Variants in PTBP2 observed in about 807,000 individuals in gnomAD.
PTBP2 encodes the protein polypyrimidine tract binding protein 2.
PTBP2 carries 13 observed loss-of-function variants against 61.4 expected under a neutral mutation model. The observed-to-expected ratio is 0.21, with a 90% CI of 0.14 to 0.34. The LOEUF (loss-of-function observed/expected upper bound fraction) is 0.34, where lower values mean the gene tolerates loss of function less well. Among genes scored for constraint, PTBP2 ranks in the 10% least tolerant of loss-of-function variants. PTBP2 has a pLI of 1.00. For missense variants in PTBP2, 405 were observed against 642.6 expected (o/e 0.63, Z 4.00); for synonymous variants, 215 against 218.5 (o/e 0.98, Z 0.14).
At chr1:96,765,618 C>T (rs1018942689) in intron 3 of PTBP2, among the ~76,000 whole-genome samples, 7 of 151,794 alleles carry the variant, frequency 4.6e-5, no homozygotes, top group East Asian at 1.9e-4. Flanking sequence ...GGCTGTGGCA[C>T]GAGAATCACT....
At chr1:96,726,982 T>C (rs1650648358) in intron 2 of PTBP2, among the ~76,000 whole-genome samples, 1 of 152,220 alleles carries the variant, frequency 6.6e-6, no homozygotes, top group South Asian at 2.1e-4. Flanking sequence ...ATATATACCC[T>C]TGTGAAACCA....
chr1:96,806,979 A>C, intron 11 of PTBP2, 21 bp downstream of exon 11: 1 of 1,536,582 alleles, frequency 6.5e-7, no homozygotes, highest in Non-Finnish European at 8.9e-7. Flanking sequence ...ACTATGTTTT[A>C]TCTATACATC....
At chr1:96,735,869 C>T (rs1361384353) in intron 2 of PTBP2, among the ~76,000 whole-genome samples, 2 of 152,070 alleles carry the variant, frequency 1.3e-5, no homozygotes, top group Admixed American at 6.6e-5. Flanking sequence ...AATTGGTGAG[C>T]TATATGAGTT....
chr1:96,759,169 G>C, intron 3 of PTBP2, among the ~76,000 whole-genome samples: 1 of 152,192 alleles, frequency 6.6e-6, no homozygotes, highest in East Asian at 1.9e-4. Flanking sequence ...CCATGTTCAT[G>C]AATTAGAAGG....
In PTBP2 at chr1:96,734,394, C is replaced by T. The variant is rs182476348; in HGVS notation, c.39+10800C>T. Among the ~76,000 whole-genome samples, 58 of 151,822 alleles carry T rather than the reference C, an allele frequency of 3.8e-4. 1 individual carries two copies. Among genetic ancestry groups the T allele is most frequent in the Admixed American group, 3.5e-3 (54 of 15,242 alleles). On this transcript the variant is annotated intron_variant, in intron 2 of 13. Transcript: ENST00000674951. ...TTAGGACACACACACAAAGTTACCT[C>T]ATATTATAAAATGTCAAATTTGTAT...
rs1280833503 is a variant in PTBP2, at chr1:96,760,607, G to A, written c.116-9096G>A. ...ACTACAGGTGCACGCCACCACACCC[G>A]GCTAATTTTTTGTATTTTTAGTAGA... is the stretch of plus-strand genomic sequence containing the variant. On this transcript the variant is annotated intron_variant, in intron 3 of 13. Transcript: ENST00000674951. Among the ~76,000 whole-genome samples the A allele has an allele frequency of 3.3e-5, 5 of 151,672 alleles. No individual in the cohort carries two copies. The East Asian group carries it at 5.8e-4, about 18-fold the overall frequency.
chr1:96,799,441 GCCTGCC>G (rs1660757460), intron 8 of PTBP2, among the ~76,000 whole-genome samples: 1 of 151,742 alleles, frequency 6.6e-6, no homozygotes, highest in Non-Finnish European at 1.5e-5. Flanking sequence ...TACTACAGGT[GCCTGCC>G]ACCACGCCCA....
At chr1:96,772,828 G>C (rs893168211) in intron 5 of PTBP2, among the ~76,000 whole-genome samples, 1 of 151,934 alleles carries the variant, frequency 6.6e-6, no homozygotes, top group South Asian at 2.1e-4. Context: ...GAATAAAGCT[G>C]GGGGCTGGGC....
At chr1:96,758,190 GAA>G (rs1313913449) in intron 3 of PTBP2, among the ~76,000 whole-genome samples, 2 of 151,936 alleles carry the variant, frequency 1.3e-5, no homozygotes, top group Non-Finnish European at 2.9e-5. Context: ...CAACTTAGAT[GAA>G]AAGTTTCTTG....
intron 3 of PTBP2, among the ~76,000 whole-genome samples, chr1:96,761,850 A>C (rs970665591): frequency 3.3e-5 from 5 of 152,122 alleles, no homozygotes; most frequent in African/African-American, 1.2e-4. Context: ...ACAAGTGAAC[A>C]AAGGTCTCTG....
At chr1:96,750,731 A>G (rs544006430) in intron 2 of PTBP2, among the ~76,000 whole-genome samples, 1 of 152,194 alleles carries the variant, frequency 6.6e-6, no homozygotes, top group Admixed American at 6.5e-5. Context: ...CTAAGGCAAA[A>G]CAGTTGATTT....
intron 2 of PTBP2, among the ~76,000 whole-genome samples, chr1:96,730,374 C>T (rs1416953126): frequency 6.6e-6 from 1 of 152,144 alleles, no homozygotes; most frequent in Non-Finnish European, 1.5e-5. Flanking sequence ...GCTTTCACGG[C>T]ATTCCTCAAA....
chr1:96,809,531 G>A (rs2101235824), intron 11 of PTBP2, among the ~76,000 whole-genome samples: 2 of 152,164 alleles, frequency 1.3e-5, no homozygotes, highest in Admixed American at 1.3e-4. Context: ...GTTTGTTTTT[G>A]AGCCAGTGTC....
chr1:96,819,144 T>C (rs1345948934), downstream of PTBP2: 2 of 152,010 alleles, frequency 1.3e-5, no homozygotes, highest in Non-Finnish European at 1.5e-5. Flanking sequence ...TTTTGTGGTT[T>C]AATGAAATGA....
At chr1:96,819,216 C>G (rs866900407), downstream of PTBP2, 1 of 152,038 alleles carries the variant, frequency 6.6e-6, no homozygotes, top group Non-Finnish European at 1.5e-5. Context: ...ATTCTCTATT[C>G]CTATTGCATA....
rs777929247 is a variant in PTBP2, at chr1:96,806,406, T to C, written c.1045-13T>C. On this transcript the variant is annotated splice_polypyrimidine_tract_variant and intron_variant, in intron 9 of 13. Transcript: ENST00000674951. ...TCTTGTCTTACGCTGCTTGCTCTTC[T>C]CTCCTTCTAAAGATGGTTACGCCCC... 3 of 1,575,004 alleles carry C rather than the reference T, an allele frequency of 1.9e-6. No homozygotes were observed. Among genetic ancestry groups the C allele is most frequent in the Non-Finnish European group, 1.7e-6 (2 of 1,144,456 alleles).
exon 14 of PTBP2, chr1:96,821,535 C>T (rs1032375860): frequency 2.0e-5 from 3 of 151,902 alleles, no homozygotes; most frequent in Admixed American, 1.3e-4. Context: ...GAAAATAGCT[C>T]CTAAAAATAT....
chr1:96,796,073 T>C (rs1038147979), intron 8 of PTBP2, among the ~76,000 whole-genome samples: 2 of 152,160 alleles, frequency 1.3e-5, no homozygotes, highest in Non-Finnish European at 2.9e-5. Context: ...AGTGGACATG[T>C]TGGGATTTAA....
chr1:96,758,882 A>T (rs576653772), intron 3 of PTBP2, among the ~76,000 whole-genome samples: 220 of 152,292 alleles, frequency 1.4e-3, no homozygotes, highest in African/African-American at 5.2e-3. Flanking sequence ...ACCATTCAAC[A>T]TGCTTTTTAA....
Sources: gnomAD v4.1 joint callset for allele counts (sites outside exome capture counted in the v4.1 genomes callset) on GRCh38, gnomAD v4.1.1 for gene constraint, MANE v1.5 for transcripts, NCBI Gene and HGNC (gene_info 2026-07-23, HGNC 2026-07-21) for gene names.